COL18A1: variants seen among roughly 807,000 people sequenced by gnomAD.
COL18A1 encodes the protein collagen alpha-1(XVIII) chain.
In COL18A1, 133 loss-of-function variants were observed where a neutral mutation model predicts 168.0. The observed-to-expected ratio is 0.79, with a 90% CI of 0.69 to 0.91. The LOEUF (loss-of-function observed/expected upper bound fraction) is 0.91. Ranked by LOEUF, COL18A1 falls within the 40% of genes least tolerant of loss-of-function variation. COL18A1 has a pLI of 0.00. For synonymous variants in COL18A1, 949 were observed against 809.0 expected, an observed-to-expected ratio of 1.17 and a Z score of -2.94; for missense variants, 2,126 against 1,925.4, an observed-to-expected ratio of 1.10 and a Z score of -1.95.
intron 2 of COL18A1, among the ~76,000 whole-genome samples, chr21:45,437,358 G>GCA (rs1381934308): frequency 0.21 from 3,340 of 15,766 alleles, 362 homozygotes; most frequent in Middle Eastern, 0.33. Flanking sequence ...ACTCTCCTGC[G>GCA]CACACACACA....
intron 2 of COL18A1, among the ~76,000 whole-genome samples, chr21:45,413,691 T>A (rs1284274864): frequency 1.3e-5 from 2 of 152,206 alleles, no homozygotes; most frequent in African/African-American, 2.4e-5. Flanking sequence ...ACGCTAACCT[T>A]GGGGTCCCTC....
At chr21:45,475,336 G>A (rs1568900356) in intron 4 of COL18A1, 140 bp from the exon 5 acceptor site, 1 of 778,310 alleles carries the variant, frequency 1.3e-6, no homozygotes, top group Non-Finnish European at 2.2e-6. Context: ...CGGCCCCCCG[G>A]AGAGCACCAG....
rs1205162367 is a variant in COL18A1 at position 45,494,975 on chromosome 21, C to T, written c.2433+60C>T. 3 of 1,468,408 alleles carry T rather than the reference C, an allele frequency of 2.0e-6. No individual in the cohort carries two copies. The African/African-American group carries it at 4.2e-5, about 20-fold the overall frequency. The allele number at this position is 1,468,408 out of a possible 1,614,324, so 91.0% of individuals were successfully genotyped here. Reference sequence around the variant, plus strand: ...TGGGGTCTGGCAGGTGGGGAGCAGCCCAGGCCCACGGGGGTGACATGCCCA... The same window carrying T: ...TGGGGTCTGGCAGGTGGGGAGCAGCTCAGGCCCACGGGGGTGACATGCCCA... On this transcript the variant is annotated intron_variant, in intron 28 of 41. Coordinates refer to ENST00000651438, the MANE Select transcript of COL18A1 (RefSeq NM_001379500.1).
Position 45,428,764 on chromosome 21 carries a change from C to T in COL18A1, c.106+23291C>T, listed in dbSNP as rs551538184. Among the ~76,000 whole-genome samples, 228 of 152,238 alleles carry T rather than the reference C, an allele frequency of 1.5e-3. 9 individuals carry two copies. In the South Asian group the frequency reaches 0.045, roughly 30 times the overall value. On this transcript the variant is annotated intron_variant, in intron 2 of 41. Coordinates refer to ENST00000651438, the MANE Select transcript of COL18A1 (RefSeq NM_001379500.1). Reference sequence around the variant, plus strand: ...ACAAGCCTCACGTTTCCAGGTACGTCGTGGTGTTGTGCAGACCCACAATTC... The same window carrying T: ...ACAAGCCTCACGTTTCCAGGTACGTTGTGGTGTTGTGCAGACCCACAATTC...
intron 2 of COL18A1, among the ~76,000 whole-genome samples, chr21:45,459,507 C>T (rs1056881281): frequency 1.3e-5 from 2 of 152,226 alleles, no homozygotes; most frequent in African/African-American, 2.4e-5. Flanking sequence ...GCGCCCCCTC[C>T]ACCTCGTCCT....
rs1328543313 is a variant in COL18A1, at chr21:45,512,290, G to C, written c.3912G>C (p.Gln1304His). ...CGGAGGCTCCCTCGGCCACGGGCCAGGCCTCCTCGCTGCTGGGGGGCAGGC... is the reference window on the plus strand; with the variant it reads ...CGGAGGCTCCCTCGGCCACGGGCCACGCCTCCTCGCTGCTGGGGGGCAGGC... ...WRTEAPSATG[Q>H]ASSLLGGRLL... The change falls in exon 42 of 42, where the codon CAG becomes CAC. Residue 1304 changes from glutamine (Q) to histidine (H), a missense_variant. Coordinates refer to ENST00000651438, the MANE Select transcript of COL18A1 (RefSeq NM_001379500.1). The C allele has an allele frequency of 6.2e-7, 1 of 1,612,200 alleles. No homozygotes were observed. The highest frequency in any genetic ancestry group is 8.5e-7 in the Non-Finnish European group (1 of 1,179,696).
At chr21:45,426,790 T>C (rs564781163) in intron 2 of COL18A1, among the ~76,000 whole-genome samples, 7 of 152,350 alleles carry the variant, frequency 4.6e-5, no homozygotes, top group Non-Finnish European at 8.8e-5. Flanking sequence ...TTCTGGGGCC[T>C]CCTCTCTGTC....
rs1436461236 is a variant in COL18A1 at position 45,509,540 on chromosome 21, A to G, written c.3434A>G (p.His1145Arg). The change falls in exon 39 of 42, where the codon CAC becomes CGC. Residue 1145 changes from histidine to arginine, a missense_variant. Coordinates refer to ENST00000651438, the MANE Select transcript of COL18A1 (RefSeq NM_001379500.1). Reference protein sequence around the residue: ...PGAPHHSSYVHLRPARPTSPP... With the variant: ...PGAPHHSSYVRLRPARPTSPP... ...GCCCCGCACCACAGCTCCTACGTGCACCTGCGGCCGGCGCGACCCACAAGC... is the reference window on the plus strand; with the variant it reads ...GCCCCGCACCACAGCTCCTACGTGCGCCTGCGGCCGGCGCGACCCACAAGC... The G allele has an allele frequency of 1.3e-6, 2 of 1,538,306 alleles. No individual in the cohort carries two copies. Among genetic ancestry groups the G allele is most frequent in the East Asian group, 4.8e-5 (2 of 41,562 alleles).
chr21:45,495,372 G>T lies in COL18A1; in HGVS notation c.2448G>T (p.Met816Ile). 6.2e-7 allele frequency: 1 copy of T among 1,610,808 alleles called. No homozygotes were observed. Among genetic ancestry groups the T allele is most frequent in the South Asian group, 1.1e-5 (1 of 90,548 alleles). Residue 816 changes from methionine (M) to isoleucine (I), a missense_variant, in exon 29 of 42, where the codon ATG (methionine) becomes ATT (isoleucine). Transcript: ENST00000651438. ...GFPGRPGRPG[M>I]NGLKGEKGEP... ...CTCCGCCCCAGGGTCGCCCCGGGATGAACGGATTGAAAGGAGAGAAAGGGG... is the reference window on the plus strand; with the variant it reads ...CTCCGCCCCAGGGTCGCCCCGGGATTAACGGATTGAAAGGAGAGAAAGGGG...
At chr21:45,414,435 A>G (rs564197995) in intron 2 of COL18A1, among the ~76,000 whole-genome samples, 1 of 152,378 alleles carries the variant, frequency 6.6e-6, no homozygotes, top group East Asian at 1.9e-4. Flanking sequence ...TTCTATTGTG[A>G]AAATGACTGA....
Position 45,488,441 on chromosome 21 carries a change from T to C in COL18A1, c.1920T>C (p.Leu640=), listed in dbSNP as rs11702425. The change falls in exon 18 of 42, where the codon CTT becomes CTC. Residue 640 remains leucine, a synonymous_variant. Coordinates refer to ENST00000651438, the MANE Select transcript of COL18A1 (RefSeq NM_001379500.1). ...AGGGACCTCCCGGCCTGCCGGGACT[T>C]AAGGTCAGTGACGGATATGTCTGGG... is the stretch of plus-strand genomic sequence containing the variant. ...GPQGPPGLPG[L]KGDPGVPGLP... is the part of the protein sequence containing the mutation. The C allele has an allele frequency of 0.31, 494,429 of 1,613,522 alleles. 76,375 individuals are homozygous for C. The highest frequency in any genetic ancestry group is 0.37 in the African/African-American group (27,709 of 74,956).
At chr21:45,508,597 T>C (rs1051844055) in intron 38 of COL18A1, among the ~76,000 whole-genome samples, 3 of 151,898 alleles carry the variant, frequency 2.0e-5, no homozygotes, top group African/African-American at 7.3e-5. Context: ...GGCCCCTCCT[T>C]GAGTAGAGGT....
intron 2 of COL18A1, among the ~76,000 whole-genome samples, chr21:45,442,442 C>T (rs1222396902): frequency 2.0e-5 from 3 of 152,056 alleles, no homozygotes; most frequent in Admixed American, 1.3e-4. Flanking sequence ...CCCACCCTCA[C>T]CTCTGTCAGC....
intron 21 of COL18A1, 117 bp downstream of exon 21, chr21:45,490,988 G>T: frequency 9.5e-7 from 1 of 1,055,270 alleles, no homozygotes; most frequent in Admixed American, 2.1e-5. Flanking sequence ...AGAGACTCAG[G>T]GCAAAGACCC....
At chr21:45,461,342 C>T (rs1205725585) in intron 2 of COL18A1, among the ~76,000 whole-genome samples, 2 of 152,082 alleles carry the variant, frequency 1.3e-5, no homozygotes, top group East Asian at 1.9e-4. Context: ...AATGAAAGGA[C>T]ACTACTCAGT....
chr21:45,442,979 G>GGGC (rs1418436672), intron 2 of COL18A1, among the ~76,000 whole-genome samples: 1 of 137,932 alleles, frequency 7.2e-6, no homozygotes, highest in Non-Finnish European at 1.5e-5. Flanking sequence ...GTGCTGGTGT[G>GGGC]GGTGGCGGTG....
intron 19 of COL18A1, 80 bp downstream of exon 19, chr21:45,489,601 CGG>C (rs1269032373): frequency 1.1e-6 from 1 of 951,426 alleles, no homozygotes; most frequent in Admixed American, 2.8e-5. Flanking sequence ...GAGATCAGCT[CGG>C]GGCGGCCTTC....
chr21:45,441,826 G>A (rs988757074), intron 2 of COL18A1, among the ~76,000 whole-genome samples: 3 of 152,230 alleles, frequency 2.0e-5, no homozygotes, highest in African/African-American at 7.2e-5. Context: ...AAAGGATGGA[G>A]CACGCTGCTG....
chr21:45,502,156 T>C (rs1314251149), intron 32 of COL18A1, among the ~76,000 whole-genome samples: 15 of 152,180 alleles, frequency 9.9e-5, no homozygotes, highest in Admixed American at 9.2e-4. Flanking sequence ...GCACGGGTCC[T>C]GACAGCAGCA....
Sources: allele counts gnomAD v4.1 joint callset (sites outside exome capture counted in the v4.1 genomes callset), GRCh38; gene constraint gnomAD v4.1.1; transcripts MANE v1.5; gene names NCBI Gene and HGNC (gene_info 2026-07-23, HGNC 2026-07-21).